Variants in ZBTB20 observed in about 807,000 individuals in gnomAD.
ZBTB20 encodes zinc finger and BTB domain-containing protein 20.
A neutral mutation model predicts 56.9 loss-of-function variants in ZBTB20; 9 were observed. That is an observed-to-expected ratio of 0.16 (90% CI 0.10 to 0.28). The LOEUF (loss-of-function observed/expected upper bound fraction) is 0.28. ZBTB20 is among the 10% of genes least tolerant of loss of function. The pLI is 1.00. For missense variants in ZBTB20, 655 were observed against 1,003.0 expected (o/e 0.65, Z 4.69); for synonymous variants, 417 against 420.7 (o/e 0.99, Z 0.11).
At chr3:115,103,430 A>T (rs2083638747) in intron 1 of ZBTB20, among the ~76,000 whole-genome samples, 2 of 152,248 alleles carry the variant, frequency 1.3e-5, no homozygotes, top group Admixed American at 1.3e-4. Context: ...TGGACAAATG[A>T]AACTACCAGA....
At chr3:114,736,123 A>C (rs1322969151) in intron 5 of ZBTB20, among the ~76,000 whole-genome samples, 1 of 152,198 alleles carries the variant, frequency 6.6e-6, no homozygotes, top group Non-Finnish European at 1.5e-5. Context: ...TTCTAGCTCC[A>C]CATTCCTGGC....
At chr3:114,976,756 T>G (rs2078118868) in intron 2 of ZBTB20, among the ~76,000 whole-genome samples, 1 of 152,136 alleles carries the variant, frequency 6.6e-6, no homozygotes, top group African/African-American at 2.4e-5. Context: ...ATTGCTAATA[T>G]TTTTATAAAT....
chr3:114,752,972 T>C (rs9683251), intron 5 of ZBTB20, among the ~76,000 whole-genome samples: 1 of 151,984 alleles, frequency 6.6e-6, no homozygotes, highest in African/African-American at 2.4e-5. Context: ...TATTTTAGGG[T>C]TGACAATGCA....
At chr3:114,419,652 T>C (rs2088942929) in intron 7 of ZBTB20, among the ~76,000 whole-genome samples, 1 of 152,112 alleles carries the variant, frequency 6.6e-6, no homozygotes, top group African/African-American at 2.4e-5. Flanking sequence ...GGATTTAGAC[T>C]TTAATCACTA....
At chr3:114,686,407 G>A (rs577072069) in intron 6 of ZBTB20, among the ~76,000 whole-genome samples, 1 of 152,316 alleles carries the variant, frequency 6.6e-6, no homozygotes, top group African/African-American at 2.4e-5. Flanking sequence ...TATGAGAGAT[G>A]CTGTGCAGGA....
chr3:114,786,599 C>G (rs2070512668), intron 5 of ZBTB20, among the ~76,000 whole-genome samples: 1 of 148,652 alleles, frequency 6.7e-6, no homozygotes, highest in Non-Finnish European at 1.5e-5. Flanking sequence ...AATAATAGAT[C>G]TTTTTCCTGT....
At position 114,889,695 on chromosome 3, in the gene ZBTB20, G is replaced by A. The variant is rs932676897; in HGVS notation, c.-417+10609C>T. Among the ~76,000 whole-genome samples, 7 of 152,126 alleles carry A rather than the reference G, an allele frequency of 4.6e-5. No individual in the cohort carries two copies. The South Asian group carries it at 1.2e-3, about 27-fold the overall frequency. Reference sequence around the variant, plus strand: ...AAGCAGTTATATTACAAATGACAGAGAACTGTTATTGAGGTGCAAATAACT... The same window carrying A: ...AAGCAGTTATATTACAAATGACAGAAAACTGTTATTGAGGTGCAAATAACT... On this transcript the variant is annotated intron_variant, in intron 4 of 11. Coordinates refer to ENST00000675478, the MANE Select transcript of ZBTB20 (RefSeq NM_001348800.3).
chr3:114,725,093 T>C (rs2065174108), intron 5 of ZBTB20, among the ~76,000 whole-genome samples: 1 of 152,114 alleles, frequency 6.6e-6, no homozygotes, highest in Non-Finnish European at 1.5e-5. Context: ...GGAATATAAA[T>C]TAGCCAAGCA....
chr3:114,558,629 G>C (rs941817726), intron 6 of ZBTB20, among the ~76,000 whole-genome samples: 5 of 152,008 alleles, frequency 3.3e-5, no homozygotes, highest in Non-Finnish European at 5.9e-5. Context: ...TATTAACTGG[G>C]ATTACTTCCT....
intron 1 of ZBTB20, chr3:115,144,896 G>C (rs1260269854): frequency 6.6e-6 from 1 of 152,150 alleles, no homozygotes; most frequent in Admixed American, 6.5e-5. Flanking sequence ...GTATTCCACT[G>C]GTCTATAAAA....
chr3:114,928,569 T>C (rs1053485777), intron 3 of ZBTB20, among the ~76,000 whole-genome samples: 9 of 152,252 alleles, frequency 5.9e-5, no homozygotes, highest in Admixed American at 3.3e-4. Context: ...AGATACATTA[T>C]GCCTTTCACG....
At chr3:114,360,196 A>C (rs1042663829) in intron 10 of ZBTB20, among the ~76,000 whole-genome samples, 1 of 151,960 alleles carries the variant, frequency 6.6e-6, no homozygotes, top group Admixed American at 6.6e-5. Flanking sequence ...GCTGTTCTGA[A>C]ACTGCTTTTG....
intron 5 of ZBTB20, among the ~76,000 whole-genome samples, chr3:114,709,682 T>C (rs1183335153): frequency 6.6e-6 from 1 of 152,128 alleles, no homozygotes; most frequent in African/African-American, 2.4e-5. Flanking sequence ...AGAAGTAATA[T>C]CCAGGCATCT....
At position 114,753,327 on chromosome 3, in the gene ZBTB20, GTATATATAATGTATATATGTATACAT is replaced by G. The variant is rs1560209269; in HGVS notation, c.-343+47748_-343+47773del. Among the ~76,000 whole-genome samples the G allele has an allele frequency of 4.1e-4, 9 of 22,094 alleles. 1 individual carries two copies. The highest frequency in any genetic ancestry group is 6.3e-4 in the Admixed American group (1 of 1,580). The allele number at this position is 22,094 out of a possible 152,430, so 14.5% of individuals were successfully genotyped here. On this transcript the variant is annotated intron_variant, in intron 5 of 11. Transcript: ENST00000675478. ...ATATATAATGTATATATGTATACCT[GTATATATAATGTATATATGTATACAT>G]TATATATAATGTATATATAATGTAT...
At chr3:114,686,784 A>C (rs1313340646) in intron 6 of ZBTB20, among the ~76,000 whole-genome samples, 3 of 152,228 alleles carry the variant, frequency 2.0e-5, no homozygotes, top group South Asian at 4.2e-4. Context: ...CATATCTCTA[A>C]CGAGAATGAA....
chr3:115,124,836 G>A (rs2084280563), intron 1 of ZBTB20, among the ~76,000 whole-genome samples: 1 of 151,912 alleles, frequency 6.6e-6, no homozygotes. Flanking sequence ...ATCAACTCAA[G>A]TGAATGATTT....
At chr3:115,038,137 A>T (rs2081003360) in intron 2 of ZBTB20, among the ~76,000 whole-genome samples, 1 of 152,208 alleles carries the variant, frequency 6.6e-6, no homozygotes, top group Admixed American at 6.5e-5. Context: ...TCCAATCTCA[A>T]GCCTATTCAT....
At chr3:115,143,417 C>G (rs1190549118) in intron 1 of ZBTB20, among the ~76,000 whole-genome samples, 5 of 152,114 alleles carry the variant, frequency 3.3e-5, no homozygotes, top group African/African-American at 1.2e-4. Context: ...TTAGTCCCAG[C>G]TACTAGGAGG....
At chr3:114,700,481 C>T (rs1421298521) in intron 5 of ZBTB20, among the ~76,000 whole-genome samples, 1 of 152,058 alleles carries the variant, frequency 6.6e-6, no homozygotes, top group East Asian at 1.9e-4. Context: ...AACTTGGGGG[C>T]TAGCATTTCA....
Sources: gnomAD v4.1 joint callset for allele counts (sites outside exome capture counted in the v4.1 genomes callset) on GRCh38, gnomAD v4.1.1 for gene constraint, MANE v1.5 for transcripts, NCBI Gene and HGNC (gene_info 2026-07-23, HGNC 2026-07-21) for gene names.